The following ADAMTS20 variants were observed in gnomAD, a reference collection of about 807,000 sequenced individuals.
ADAMTS20 encodes ADAM metallopeptidase with thrombospondin type 1 motif 20, also known as A disintegrin and metalloproteinase with thrombospondin motifs 20.
Under a neutral mutation model 260.1 loss-of-function variants are expected in ADAMTS20, and 225 were observed. That is an observed-to-expected ratio of 0.87 (90% CI 0.78 to 0.97). The LOEUF is 0.97. ADAMTS20 is among the 50% of genes least tolerant of loss of function. The pLI is 0.00. For synonymous variants in ADAMTS20, 802 were observed against 769.5 expected, an observed-to-expected ratio of 1.04 and a Z score of -0.70; for missense variants, 2,400 against 2,337.7, an observed-to-expected ratio of 1.03 and a Z score of -0.55.
At chr12:43,493,723 AT>A (rs1942638950) in intron 4 of ADAMTS20, among the ~76,000 whole-genome samples, 1 of 152,244 alleles carries the variant, frequency 6.6e-6, no homozygotes, top group African/African-American at 2.4e-5. Flanking sequence ...ACAATATTCC[AT>A]AAAAATATGT....
intron 7 of ADAMTS20, among the ~76,000 whole-genome samples, chr12:43,485,162 T>C (rs191432326): frequency 5.2e-4 from 75 of 144,248 alleles, no homozygotes; most frequent in African/African-American, 1.8e-3. Context: ...CTGATGAATA[T>C]AGGTAGAAAA....
chr12:43,476,844 G>T (rs1370013222), intron 7 of ADAMTS20, among the ~76,000 whole-genome samples: 1 of 150,376 alleles, frequency 6.6e-6, no homozygotes, highest in Non-Finnish European at 1.5e-5. Flanking sequence ...GGGGACTGTG[G>T]TGGGGTGGGT....
chr12:43,521,549 T>A (rs1943072091), intron 3 of ADAMTS20, among the ~76,000 whole-genome samples: 1 of 152,226 alleles, frequency 6.6e-6, no homozygotes, highest in Non-Finnish European at 1.5e-5. Context: ...ATGGCTTTTT[T>A]CTTTAATTCA....
intron 3 of ADAMTS20, among the ~76,000 whole-genome samples, chr12:43,517,231 T>G (rs1305038481): frequency 1.3e-5 from 2 of 151,868 alleles, no homozygotes; most frequent in South Asian, 4.1e-4. Flanking sequence ...ACAAGAAAAA[T>G]AAATAAAATA....
At chr12:43,524,849 A>G (rs1943120064) in intron 3 of ADAMTS20, among the ~76,000 whole-genome samples, 1 of 152,238 alleles carries the variant, frequency 6.6e-6, no homozygotes, top group Non-Finnish European at 1.5e-5. Context: ...CACAGCTTCT[A>G]AGATTATGTA....
At chr12:43,452,183 A>C in intron 14 of ADAMTS20, 91 bp downstream of exon 14, 1 of 1,332,060 alleles carries the variant, frequency 7.5e-7, no homozygotes, top group Non-Finnish European at 1.0e-6. Context: ...ATATGCTGAA[A>C]TAGTAAAAGT....
At position 43,551,070 on chromosome 12, in the gene ADAMTS20, A is replaced by G. The variant is rs766684052; in HGVS notation, c.292T>C (p.Ser98Pro). 3 of 1,613,736 alleles carry G rather than the reference A, an allele frequency of 1.9e-6. No homozygotes were observed. Among genetic ancestry groups the G allele is most frequent in the Non-Finnish European group, 2.5e-6 (3 of 1,179,796 alleles). The change falls in exon 2 of 39, where the codon TCC becomes CCC. Residue 98 changes from serine (S) to proline (P), a missense_variant. Transcript: ENST00000389420. The surrounding 1 kb of genome is among the most constrained non-coding windows in gnomAD (Gnocchi z 4.6). ...LFQLNLTADA[S>P]FLAAGYTEVH... is the part of the protein sequence containing the mutation. ...TCGGTGTAGCCGGCGGCCAGAAAGG[A>G]TGCATCGGCGGTCAGGTTCAGCTGG...
intron 3 of ADAMTS20, among the ~76,000 whole-genome samples, chr12:43,529,859 T>A (rs935581853): frequency 6.6e-6 from 1 of 151,122 alleles, no homozygotes; most frequent in African/African-American, 2.5e-5. Flanking sequence ...ACATGTGAAC[T>A]GAGGGAGGAA....
intron 3 of ADAMTS20, among the ~76,000 whole-genome samples, chr12:43,503,516 A>AT (rs902438035): frequency 1.3e-5 from 2 of 151,984 alleles, no homozygotes; most frequent in South Asian, 2.1e-4. Flanking sequence ...CCACAGATGA[A>AT]TTTTTTTTAA....
Position 43,428,672 on chromosome 12 carries a change from G to T in ADAMTS20, c.3617C>A (p.Thr1206Asn). 6.2e-7 allele frequency: 1 copy of T among 1,610,024 alleles called. No homozygotes were observed. Among genetic ancestry groups the T allele is most frequent in the South Asian group, 1.1e-5 (1 of 90,652 alleles). The change falls in exon 25 of 39, where the codon ACC becomes AAC. Residue 1206 changes from threonine to asparagine, a missense_variant. Physicochemically the swap from Thr to Asn is moderately conservative, Grantham distance 65. Transcript: ENST00000389420. ...CCCTGCTTGCCACTCTCCACAAGGG[G>T]TAAAACAGTCCCATATTTCAGCAGG... Reference protein sequence around the residue: ...PRPAEIWDCFTPCGEWQAGDW... With the variant: ...PRPAEIWDCFNPCGEWQAGDW...
chr12:43,458,582 A>G (rs1606008), intron 11 of ADAMTS20, among the ~76,000 whole-genome samples: 49,536 of 152,030 alleles, frequency 0.33, 8,684 homozygotes, highest in East Asian at 0.75. Flanking sequence ...CTCCTTTAAG[A>G]CAGCTAATTT....
intron 28 of ADAMTS20, among the ~76,000 whole-genome samples, chr12:43,405,276 G>T (rs1480048873): frequency 7.1e-6 from 1 of 141,450 alleles, no homozygotes; most frequent in Non-Finnish European, 1.5e-5. Context: ...GCCAGGCATG[G>T]TGATGGTGAT....
intron 4 of ADAMTS20, among the ~76,000 whole-genome samples, chr12:43,500,715 T>C (rs1942746067): frequency 6.6e-6 from 1 of 151,338 alleles, no homozygotes; most frequent in Non-Finnish European, 1.5e-5. Flanking sequence ...AAATATTACT[T>C]TTATTAATAC....
At chr12:43,481,927 G>A (rs996797899) in intron 7 of ADAMTS20, among the ~76,000 whole-genome samples, 3 of 152,076 alleles carry the variant, frequency 2.0e-5, no homozygotes, top group East Asian at 1.9e-4. Context: ...TGAACCAGAC[G>A]GAAAATGGAG....
At chr12:43,433,581 T>G in intron 19 of ADAMTS20, among the ~76,000 whole-genome samples, 1 of 152,092 alleles carries the variant, frequency 6.6e-6, no homozygotes, top group East Asian at 1.9e-4. Context: ...GTTCTGGCCA[T>G]ACCTGAATGT....
intron 11 of ADAMTS20, among the ~76,000 whole-genome samples, chr12:43,457,949 C>G (rs959075543): frequency 1.3e-5 from 2 of 152,180 alleles, no homozygotes; most frequent in Admixed American, 1.3e-4. Context: ...CCTGTGTGAA[C>G]CCCAAAAATT....
chr12:43,414,858 C>T (rs1001050995), intron 28 of ADAMTS20, among the ~76,000 whole-genome samples: 8 of 151,706 alleles, frequency 5.3e-5, no homozygotes, highest in African/African-American at 1.7e-4. Flanking sequence ...ACATGTTCAC[C>T]GAAAGACATG....
chr12:43,472,856 C>A (rs1057494385), intron 7 of ADAMTS20, among the ~76,000 whole-genome samples: 2 of 149,146 alleles, frequency 1.3e-5, no homozygotes, highest in South Asian at 4.3e-4. Context: ...TGGAAAGGAA[C>A]AACCGGTACC....
chr12:43,527,394 G>T (rs1212938522), intron 3 of ADAMTS20, among the ~76,000 whole-genome samples: 1 of 151,924 alleles, frequency 6.6e-6, no homozygotes, highest in Non-Finnish European at 1.5e-5. Context: ...AACAAAAAAA[G>T]AAAACACAGA....
Sources: gnomAD v4.1 joint callset for allele counts (sites outside exome capture counted in the v4.1 genomes callset) on GRCh38, gnomAD v4.1.1 for gene constraint, Gnocchi (gnomAD v3.1) non-coding constraint, MANE v1.5 for transcripts, NCBI Gene and HGNC (gene_info 2026-07-23, HGNC 2026-07-21) for gene names.